Variants in INTS15 observed in about 807,000 individuals in gnomAD.
The protein encoded by INTS15 is uncharacterized protein C7orf26.
At chr7:6,598,297 C>A in the INTS15 span, among the ~76,000 whole-genome samples, 2 of 152,036 alleles carry the variant, frequency 1.3e-5, no homozygotes, top group African/African-American at 2.4e-5. Context: ...TGGCGAAACC[C>A]CATCTCTACT....
chr7:6,590,386 G>A, the INTS15 span: 19 of 1,607,000 alleles, frequency 1.2e-5, no homozygotes, highest in South Asian at 2.1e-4. Context: ...GCTGCAGAGC[G>A]CGCCGCTGCC....
the INTS15 span, chr7:6,600,106 G>T: frequency 5.6e-6 from 9 of 1,614,094 alleles, no homozygotes; most frequent in African/African-American, 1.2e-4. Context: ...CCCACCTCTT[G>T]TACTCAAAAC....
the INTS15 span, chr7:6,607,878 G>A: frequency 7.4e-5 from 115 of 1,563,858 alleles, no homozygotes; most frequent in Non-Finnish European, 9.5e-5. This position sits in a 1 kb window ranked among gnomAD's most constrained non-coding sequence, Gnocchi z 6.0. Context: ...GGCGGGGTGC[G>A]GGGGGACGGG....
the INTS15 span, among the ~76,000 whole-genome samples, chr7:6,598,735 TTGTGTGTGTGTGTGTGTGTGTGTG>T: frequency 4.1e-4 from 34 of 83,624 alleles, no homozygotes; most frequent in East Asian, 1.0e-3. Context: ...GCTGTATGCT[TTGTGTGTGTGTGTGTGTGTGTGTG>T]TGTGTGTGTG....
the INTS15 span, chr7:6,602,023 C>T: frequency 2.3e-6 from 3 of 1,298,754 alleles, no homozygotes; most frequent in South Asian, 1.2e-5. Flanking sequence ...TTGCTAGCAT[C>T]CTTGCAAAGA....
the INTS15 span, chr7:6,608,246 C>T: frequency 2.7e-6 from 4 of 1,508,460 alleles, no homozygotes; most frequent in African/African-American, 1.4e-5. Flanking sequence ...AAGAGAACCT[C>T]GGGGAAGGGG....
chr7:6,591,515 T>G, the INTS15 span: 3 of 707,604 alleles, frequency 4.2e-6, no homozygotes, highest in Admixed American at 2.2e-5. Context: ...TCGCCCACCT[T>G]GGCCTCCCAA....
At chr7:6,593,902 C>T in the INTS15 span, among the ~76,000 whole-genome samples, 12 of 151,958 alleles carry the variant, frequency 7.9e-5, no homozygotes, top group South Asian at 2.1e-4. Flanking sequence ...CCTCCCGCCT[C>T]GGCCTCCCAA....
At chr7:6,591,077 TTCTC>T in the INTS15 span, among the ~76,000 whole-genome samples, 1 of 147,578 alleles carries the variant, frequency 6.8e-6, no homozygotes, top group South Asian at 2.1e-4. Context: ...GGGCTCAAGA[TTCTC>T]TCTCCTTGGC....
At chr7:6,591,653 A>G in the INTS15 span, 1 of 1,614,018 alleles carries the variant, frequency 6.2e-7, no homozygotes, top group Non-Finnish European at 8.5e-7. Context: ...CAGAGACTGA[A>G]TTCCCTTCAG....
chr7:6,606,087 T>C, the INTS15 span, among the ~76,000 whole-genome samples: 1 of 152,172 alleles, frequency 6.6e-6, no homozygotes, highest in Non-Finnish European at 1.5e-5. Context: ...TCCGGCAGGG[T>C]GTGTACAGGT....
At chr7:6,607,059 C>G in the INTS15 span, among the ~76,000 whole-genome samples, 22 of 151,818 alleles carry the variant, frequency 1.4e-4, no homozygotes, top group Admixed American at 5.9e-4. The surrounding 1 kb of genome is among the most constrained non-coding windows in gnomAD (Gnocchi z 6.0). Context: ...TGACACAGAG[C>G]GGGGCAGCCC....
the INTS15 span, among the ~76,000 whole-genome samples, chr7:6,598,654 A>T: frequency 5.4e-4 from 82 of 150,878 alleles, no homozygotes; most frequent in African/African-American, 1.9e-3. Context: ...GCCTAAGGGC[A>T]TTGCACACCA....
the INTS15 span, among the ~76,000 whole-genome samples, chr7:6,600,947 TC>T: frequency 6.6e-6 from 1 of 152,082 alleles, no homozygotes; most frequent in Non-Finnish European, 1.5e-5. Flanking sequence ...TTTTTCTGTG[TC>T]CTTTTTTATT....
the INTS15 span, among the ~76,000 whole-genome samples, chr7:6,607,373 G>T: frequency 1.3e-5 from 2 of 151,162 alleles, no homozygotes; most frequent in Admixed American, 1.3e-4. This position sits in a 1 kb window ranked among gnomAD's most constrained non-coding sequence, Gnocchi z 6.0. Flanking sequence ...TCGGAGCCCC[G>T]GTGCTGGGTG....
At chr7:6,596,708 C>T in the INTS15 span, among the ~76,000 whole-genome samples, 1 of 151,416 alleles carries the variant, frequency 6.6e-6, no homozygotes, top group Admixed American at 6.6e-5. Context: ...GGTTTTGTAA[C>T]TCTCTTGAGA....
At chr7:6,590,445 G>C in the INTS15 span, 5 of 1,598,046 alleles carry the variant, frequency 3.1e-6, no homozygotes, top group Non-Finnish European at 4.3e-6. Flanking sequence ...TCGTGTTCCA[G>C]GTGCCCAAGG....
the INTS15 span, chr7:6,600,045 A>G: frequency 3.7e-6 from 6 of 1,614,194 alleles, no homozygotes; most frequent in African/African-American, 2.7e-5. Context: ...TCCAATGGCC[A>G]TGTCAGCAAC....
At chr7:6,607,642 G>A in the INTS15 span, 4 of 1,479,616 alleles carry the variant, frequency 2.7e-6, no homozygotes, top group Non-Finnish European at 2.7e-6. This position sits in a 1 kb window ranked among gnomAD's most constrained non-coding sequence, Gnocchi z 6.0. Context: ...GTGGCCAGCT[G>A]TTCTGTGTGT....
Sources: gnomAD v4.1 joint callset for allele counts (sites outside exome capture counted in the v4.1 genomes callset) on GRCh38, gnomAD v4.1.1 for gene constraint, Gnocchi (gnomAD v3.1) non-coding constraint, MANE v1.5 for transcripts, NCBI Gene and HGNC (gene_info 2026-07-23, HGNC 2026-07-21) for gene names.